RHPN1: variants seen among roughly 807,000 people sequenced by gnomAD.
The protein encoded by RHPN1 is rhophilin Rho GTPase binding protein 1, also known as rhophilin-1.
RHPN1 carries 77 observed loss-of-function variants against 74.7 expected under a neutral mutation model. The ratio of observed to expected loss-of-function variants is 1.03; its 90% CI spans 0.86 to 1.25. The LOEUF is 1.25. Among genes scored for constraint, RHPN1 ranks in the 50% most tolerant of loss-of-function variants. The pLI is 0.00. For synonymous variants in RHPN1, 444 were observed against 414.5 expected (o/e 1.07, Z -0.87); for missense variants, 987 against 932.2 (o/e 1.06, Z -0.77).
In RHPN1 at chr8:143,379,426, T is replaced by C; in HGVS notation, c.863T>C (p.Val288Ala). The change falls in exon 8 of 15, where the codon GTG becomes GCG. Residue 288 changes from valine (V) to alanine (A), a missense_variant. By Grantham distance (64) the Val-to-Ala change is moderately conservative (BLOSUM62 0). Transcript: ENST00000289013. ...ATGATGGCCCAGGCCCAGGAATGTG[T>C]GTTTGAGGGCCTCTCACCACCTGCC... ...QLMMAQAQEC[V>A]FEGLSPPASM... 1 of 1,581,380 alleles carries C rather than the reference T, an allele frequency of 6.3e-7. No homozygotes were observed. The highest frequency in any genetic ancestry group is 8.6e-7 in the Non-Finnish European group (1 of 1,164,222).
rs778630148 is a variant in RHPN1 at position 143,381,868 on chromosome 8, G to A, written c.1697G>A (p.Trp566Ter). 3.7e-6 allele frequency: 6 copies of A among 1,612,842 alleles called. No homozygotes were observed. The African/African-American group carries it at 5.3e-5, about 14-fold the overall frequency. The part of the protein sequence containing the change: ...VSVNGQPCRW[W>*]RHAEVVTELK... ...GTGAATGGGCAGCCATGCAGGTGGT[G>A]GAGACACGCGGAGGTGGTGACGGAG... Residue 566 changes from tryptophan to a stop codon, truncating the protein, a stop_gained, in exon 14 of 15, where the codon TGG (tryptophan) becomes TAG (stop). Coordinates refer to ENST00000289013, the MANE Select transcript of RHPN1 (RefSeq NM_052924.3). LOFTEE classifies it high-confidence loss of function.
In RHPN1 at chr8:143,375,623, T is replaced by C. The variant is rs200629468; in HGVS notation, c.131T>C (p.Ile44Thr). The C allele has an allele frequency of 3.5e-5, 56 of 1,608,520 alleles. No individual in the cohort carries two copies. The African/African-American group carries it at 7.1e-4, about 20-fold the overall frequency. Residue 44 changes from isoleucine (I) to threonine (T), a missense_variant, in exon 2 of 15, where the codon ATT (isoleucine) becomes ACT (threonine). By Grantham distance (89) the Ile-to-Thr change is moderately conservative. Coordinates refer to ENST00000289013, the MANE Select transcript of RHPN1 (RefSeq NM_052924.3). ...CGCAGGGCCCAGATTCACCAGCAGATTGACAAGGAGCTGCAGATGCGGACG... is the reference window on the plus strand; with the variant it reads ...CGCAGGGCCCAGATTCACCAGCAGACTGACAAGGAGCTGCAGATGCGGACG... ...QSRRAQIHQQ[I>T]DKELQMRTGA...
chr8:143,378,579 C>A, intron 5 of RHPN1, 117 bp from the exon 6 acceptor site: 1 of 1,354,188 alleles, frequency 7.4e-7, no homozygotes, highest in Non-Finnish European at 9.9e-7. Context: ...CTGCCCAGGG[C>A]CCCACTGGCT....
At chr8:143,378,073 A>G (rs888824372) in intron 4 of RHPN1, among the ~76,000 whole-genome samples, 196 bp from the exon 5 acceptor site, 1 of 152,172 alleles carries the variant, frequency 6.6e-6, no homozygotes, top group African/African-American at 2.4e-5. Flanking sequence ...AGGCCCCTCC[A>G]TACACATTGG....
At chr8:143,376,502 T>A in intron 2 of RHPN1, 23 bp from the exon 3 acceptor site, 1 of 1,610,694 alleles carries the variant, frequency 6.2e-7, no homozygotes, top group Non-Finnish European at 8.5e-7. Flanking sequence ...GGCTGGGCTT[T>A]CAACTGCCGC....
chr8:143,375,570 G>A lies in RHPN1; in HGVS notation c.78G>A (p.Thr26=), dbSNP rs760214238. The A allele has an allele frequency of 5.0e-6, 8 of 1,600,378 alleles. No homozygotes were observed. Among genetic ancestry groups the A allele is most frequent in the East Asian group, 4.5e-5 (2 of 44,298 alleles). ...SPRLQGCDSL[T]QIQCGQLQSR... ...CCCTGCAGGGCTGTGACTCCCTGAC[G>A]CAGATCCAGTGCGGCCAGCTGCAGA... is the stretch of plus-strand genomic sequence containing the variant. The change falls in exon 2 of 15, where the codon ACG becomes ACA. Residue 26 remains threonine, a synonymous_variant. Coordinates refer to ENST00000289013, the MANE Select transcript of RHPN1 (RefSeq NM_052924.3).
In RHPN1 at chr8:143,379,023, C is replaced by A. The variant is rs1179100465; in HGVS notation, c.696C>A (p.Asp232Glu). ...ACACGCAGATTGGGGCGCGCCAGGA[C>A]CGCTCCTGCACCGAGGGTGCCCGCC... is the stretch of plus-strand genomic sequence containing the variant. ...ALHTQIGARQ[D>E]RSCTEGARRA... Residue 232 changes from aspartate to glutamate, a missense_variant, in exon 7 of 15, where the codon GAC (aspartate) becomes GAA (glutamate). Coordinates refer to ENST00000289013, the MANE Select transcript of RHPN1 (RefSeq NM_052924.3). 27 of 1,548,588 alleles carry A rather than the reference C, an allele frequency of 1.7e-5. No homozygotes were observed. The highest frequency in any genetic ancestry group is 2.3e-5 in the Non-Finnish European group (26 of 1,146,626).
Position 143,378,336 on chromosome 8 carries a change from C to T in RHPN1, c.449C>T (p.Ala150Val). Residue 150 changes from alanine (A) to valine (V), a missense_variant, in exon 5 of 15, where the codon GCC (alanine) becomes GTC (valine). Transcript: ENST00000289013. ...SYEAEIRELE[A>V]LRQAMRTPSR... ...GAGGCAGAAATCAGGGAGCTGGAGG[C>T]CCTGCGGCAGGTGTGTGGTTCCCCC... 6.4e-7 allele frequency: 1 copy of T among 1,552,848 alleles called. No homozygotes were observed. The highest frequency in any genetic ancestry group is 8.7e-7 in the Non-Finnish European group (1 of 1,149,172).
In RHPN1 at chr8:143,377,423, A is replaced by G. The variant is rs753532130; in HGVS notation, c.349A>G (p.Thr117Ala). The G allele has an allele frequency of 1.9e-6, 3 of 1,613,396 alleles. No homozygotes were observed. Among genetic ancestry groups the G allele is most frequent in the Non-Finnish European group, 2.5e-6 (3 of 1,179,542 alleles). ...VPMIPLGLKE[T>A]KELDWSTPLK... is the part of the protein sequence containing the mutation. ...CATGATCCCCCTGGGCCTGAAGGAG[A>G]CCAAGGAGCTGGACTGGTCTACACC... Residue 117 changes from threonine (T) to alanine (A), a missense_variant, in exon 4 of 15, where the codon ACC becomes GCC. Thr to Ala is a moderately conservative substitution (Grantham distance 58, BLOSUM62 0). Transcript: ENST00000289013.
At chr8:143,374,128 T>C in intron 1 of RHPN1, 1 of 985,058 alleles carries the variant, frequency 1.0e-6, no homozygotes, top group Non-Finnish European at 1.2e-6. Context: ...AAAAGAACTC[T>C]CTCCAGATAT....
chr8:143,376,909 TG>T (rs1178272730), intron 3 of RHPN1, among the ~76,000 whole-genome samples: 9 of 145,088 alleles, frequency 6.2e-5, no homozygotes, highest in African/African-American at 2.3e-4. Flanking sequence ...TGTGCGCGTG[TG>T]TCTGTGTGTC....
chr8:143,381,911 G>A lies in RHPN1; in HGVS notation c.1740G>A (p.Glu580=), dbSNP rs1044156364. ...EVVTELKAAG[E]AGASLQVVSL... ...TGACGGAGCTGAAGGCTGCGGGAGA[G>A]GCGGGCGCCAGCCTGCAGGTGGTGT... Residue 580 remains glutamate, a synonymous_variant, in exon 14 of 15, where the codon GAG becomes GAA. Coordinates refer to ENST00000289013, the MANE Select transcript of RHPN1 (RefSeq NM_052924.3). 9.9e-6 allele frequency: 16 copies of A among 1,611,386 alleles called. No homozygotes were observed. Among genetic ancestry groups the A allele is most frequent in the Admixed American group, 1.7e-5 (1 of 59,912 alleles).
At chr8:143,368,040 G>A (rs1817598886), upstream of RHPN1, 1 of 153,226 alleles carries the variant, frequency 6.5e-6, no homozygotes, top group Admixed American at 6.5e-5. Flanking sequence ...TTGAAAGTAG[G>A]TTCTGAAAAT....
chr8:143,372,396 G>A (rs920551849), intron 1 of RHPN1, among the ~76,000 whole-genome samples: 3 of 152,300 alleles, frequency 2.0e-5, no homozygotes, highest in African/African-American at 4.8e-5. Flanking sequence ...TCTCCAGCCC[G>A]AGTCCCTGAA....
At chr8:143,376,270 G>A (rs565301298) in intron 2 of RHPN1, among the ~76,000 whole-genome samples, 1 of 152,378 alleles carries the variant, frequency 6.6e-6, no homozygotes, top group South Asian at 2.1e-4. Context: ...TGGTGCTGAG[G>A]GAGGTGCCCC....
intron 14 of RHPN1, 113 bp downstream of exon 14, chr8:143,382,081 A>C (rs1442794284): frequency 6.1e-6 from 7 of 1,154,040 alleles, no homozygotes; most frequent in Admixed American, 2.8e-5. Context: ...GGCTGCAGGT[A>C]ACCCTCCCTG....
In RHPN1 at chr8:143,378,541, G is replaced by A. The variant is rs571984260; in HGVS notation, c.460-155G>A. Among the ~76,000 whole-genome samples, 30 of 152,134 alleles carry A rather than the reference G, an allele frequency of 2.0e-4. 1 individual carries two copies. The East Asian group carries it at 4.5e-3, about 23-fold the overall frequency. On this transcript the variant is annotated intron_variant, in intron 5 of 14. Coordinates refer to ENST00000289013, the MANE Select transcript of RHPN1 (RefSeq NM_052924.3). ...GGGGCTCCCAGGTGGCTCCGGTGCCGCATGCTGCTGGCCTTCGGGAGTCAC... is the reference window on the plus strand; with the variant it reads ...GGGGCTCCCAGGTGGCTCCGGTGCCACATGCTGCTGGCCTTCGGGAGTCAC...
rs2129659731 is a variant in RHPN1 at position 143,383,862 on chromosome 8, GC to G, written c.*1212del. ...ACCCCGGGTAGAAAGGCGGCCCCCA[GC>G]TCTGCGAGACCCCTGCCCTCTTGTC... On this transcript the variant is annotated 3_prime_UTR_variant, in exon 15 of 15. Coordinates refer to ENST00000289013, the MANE Select transcript of RHPN1 (RefSeq NM_052924.3). The G allele has an allele frequency of 6.6e-6, 1 of 152,496 alleles. No individual in the cohort carries two copies. Among genetic ancestry groups the G allele is most frequent in the Admixed American group, 6.5e-5 (1 of 15,304 alleles). The allele number at this position is 152,496 out of a possible 1,614,324, so 9.4% of individuals were successfully genotyped here.
intron 11 of RHPN1, 48 bp from the exon 12 acceptor site, chr8:143,381,220 C>T (rs1313963702): frequency 2.0e-6 from 3 of 1,517,550 alleles, no homozygotes; most frequent in Non-Finnish European, 1.8e-6. Flanking sequence ...ATCCCCGAGG[C>T]AGGTCTCCAC....
Sources: gnomAD v4.1 joint callset for allele counts (sites outside exome capture counted in the v4.1 genomes callset) on GRCh38, gnomAD v4.1.1 for gene constraint, MANE v1.5 for transcripts, NCBI Gene and HGNC (gene_info 2026-07-23, HGNC 2026-07-21) for gene names.